The following NSD1 variants were observed in gnomAD, a reference collection of about 807,000 sequenced individuals.
The protein encoded by NSD1 is nuclear receptor binding SET domain protein 1.
A neutral mutation model predicts 242.7 loss-of-function variants in NSD1; 26 were observed. The observed-to-expected ratio is 0.11, with a 90% CI of 0.08 to 0.15. The LOEUF (loss-of-function observed/expected upper bound fraction) is 0.15, where lower values mean the gene tolerates loss of function less well. NSD1 is among the 10% of genes least tolerant of loss of function. The probability of loss-of-function intolerance (pLI) is 1.00; values close to 1 mark genes in which losing one functional copy is unlikely to be tolerated. For missense variants in NSD1, 2,495 were observed against 3,272.8 expected, an observed-to-expected ratio of 0.76 and a Z score of 5.80; for synonymous variants, 1,106 against 1,178.1, an observed-to-expected ratio of 0.94 and a Z score of 1.25.
At chr5:177,136,129 A>G in intron 2 of NSD1, 99 bp downstream of exon 2, 1 of 1,033,266 alleles carries the variant, frequency 9.7e-7, no homozygotes, top group Non-Finnish European at 1.5e-6. Context: ...GTTGCTTATC[A>G]GTTCACAGCT....
At position 177,210,837 on chromosome 5, in the gene NSD1, A is replaced by C; in HGVS notation, c.2438A>C (p.Lys813Thr). The C allele has an allele frequency of 1.2e-6, 2 of 1,614,220 alleles. No individual in the cohort carries two copies. The highest frequency in any genetic ancestry group is 1.7e-6 in the Non-Finnish European group (2 of 1,180,036). The change falls in exon 5 of 23, where the codon AAA (lysine) becomes ACA (threonine). Residue 813 changes from lysine (K) to threonine (T), a missense_variant. Physicochemically the swap from Lys to Thr is moderately conservative, Grantham distance 78. Coordinates refer to ENST00000439151, the MANE Select transcript of NSD1 (RefSeq NM_022455.5). The stretch of plus-strand genomic sequence containing the variant: ...GTTATAAATGAGGAGTGCAGTTTGA[A>C]ATGCTGCTCTTCTGATACCAAAGGC... The part of the protein sequence containing the change: ...PPVINEECSL[K>T]CCSSDTKGSP...
intron 2 of NSD1, among the ~76,000 whole-genome samples, chr5:177,141,430 A>G (rs997018847): frequency 2.1e-5 from 3 of 140,480 alleles, no homozygotes; most frequent in Non-Finnish European, 4.5e-5. Context: ...TCCTGGGTTC[A>G]AGAGATTCTT....
intron 4 of NSD1, among the ~76,000 whole-genome samples, chr5:177,207,915 T>TGTGTGTGC (rs1763023610): frequency 6.6e-6 from 1 of 151,068 alleles, no homozygotes; most frequent in African/African-American, 2.4e-5. Context: ...AGTGTGTGTG[T>TGTGTGTGC]GTGTGTGCGT....
intron 11 of NSD1, among the ~76,000 whole-genome samples, chr5:177,249,327 C>CT (rs1554197963): frequency 1.3e-5 from 2 of 151,728 alleles, no homozygotes; most frequent in African/African-American, 4.8e-5. Flanking sequence ...AAAAATTTGT[C>CT]TTTTTTTTAA....
At chr5:177,161,680 C>CTTTTTTTTTTT (rs57657595) in intron 2 of NSD1, among the ~76,000 whole-genome samples, 1 of 135,244 alleles carries the variant, frequency 7.4e-6, no homozygotes, top group Non-Finnish European at 1.6e-5. Flanking sequence ...TTCTTTCTTT[C>CTTTTTTTTTTT]TTTTTTTTTT....
intron 3 of NSD1, 67 bp from the exon 4 acceptor site, chr5:177,204,053 C>A: frequency 7.0e-7 from 1 of 1,430,504 alleles, no homozygotes; most frequent in Non-Finnish European, 9.9e-7. Flanking sequence ...AATGATGTGG[C>A]TGTTCTCTTA....
At chr5:177,214,985 G>A (rs1581338294) in intron 5 of NSD1, among the ~76,000 whole-genome samples, 2 of 152,068 alleles carry the variant, frequency 1.3e-5, no homozygotes. Flanking sequence ...AAAAGCATGA[G>A]CCACCACGCC....
chr5:177,244,773 G>A (rs1024691674), intron 9 of NSD1, among the ~76,000 whole-genome samples: 4 of 152,162 alleles, frequency 2.6e-5, no homozygotes, highest in East Asian at 1.9e-4. Context: ...GAGTATCATG[G>A]GAAGATTATA....
At chr5:177,170,149 T>C (rs1562148437) in intron 2 of NSD1, among the ~76,000 whole-genome samples, 1 of 149,686 alleles carries the variant, frequency 6.7e-6, no homozygotes, top group Non-Finnish European at 1.5e-5. Flanking sequence ...TTTTTTTGTA[T>C]TTTTAGTAGA....
intron 14 of NSD1, among the ~76,000 whole-genome samples, chr5:177,263,682 A>G (rs1441666657): frequency 2.6e-5 from 4 of 152,208 alleles, no homozygotes; most frequent in Non-Finnish European, 5.9e-5. Flanking sequence ...CACTCATGCA[A>G]CTGAGTTTCA....
chr5:177,176,229 T>C (rs114660647), intron 2 of NSD1, among the ~76,000 whole-genome samples: 2,883 of 152,210 alleles, frequency 0.019, 90 homozygotes, highest in African/African-American at 0.063. Context: ...AATTGAGGGA[T>C]TAAAATCTAA....
rs192262255 is a variant in NSD1, at chr5:177,272,134, G to A, written c.5510-1538G>A. Among the ~76,000 whole-genome samples the A allele has an allele frequency of 9.6e-3, 338 of 35,222 alleles. 2 individuals are homozygous for A. The highest frequency in any genetic ancestry group is 0.032 in the African/African-American group (309 of 9,654). The allele number at this position is 35,222 out of a possible 152,430, so 23.1% of individuals were successfully genotyped here. On this transcript the variant is annotated intron_variant, in intron 16 of 22. Transcript: ENST00000439151. The stretch of plus-strand genomic sequence containing the variant: ...TGTGTCCACCCACCCCTCCCCGCCC[G>A]CCCCACCACCATCACCACCAAAAAA...
At chr5:177,212,653 C>G (rs549670377) in intron 5 of NSD1, among the ~76,000 whole-genome samples, 1 of 152,036 alleles carries the variant, frequency 6.6e-6, no homozygotes, top group South Asian at 2.1e-4. Flanking sequence ...TTTTAAAATC[C>G]CCAAGCTTTT....
intron 2 of NSD1, among the ~76,000 whole-genome samples, chr5:177,177,605 ATGCCAC>A (rs765200481): frequency 5.3e-5 from 8 of 152,036 alleles, no homozygotes; most frequent in African/African-American, 9.7e-5. Context: ...AGCGATGACC[ATGCCAC>A]TGCACTCCAG....
intron 3 of NSD1, among the ~76,000 whole-genome samples, chr5:177,199,266 T>TA (rs1364990954): frequency 2.0e-5 from 3 of 151,162 alleles, no homozygotes; most frequent in African/African-American, 7.3e-5. Flanking sequence ...TAATTATTAT[T>TA]TTTTTTTTAG....
chr5:177,155,835 G>A (rs532889553), intron 2 of NSD1, among the ~76,000 whole-genome samples: 78 of 151,266 alleles, frequency 5.2e-4, no homozygotes, highest in African/African-American at 1.8e-3. Flanking sequence ...ACAGGTGTCC[G>A]CTAATTTTTG....
At chr5:177,149,910 A>G (rs1300056728) in intron 2 of NSD1, among the ~76,000 whole-genome samples, 1 of 151,956 alleles carries the variant, frequency 6.6e-6, no homozygotes, top group East Asian at 1.9e-4. Flanking sequence ...ACATTCTTTT[A>G]AATGCCTATA....
At chr5:177,186,692 G>C (rs965126359) in intron 2 of NSD1, among the ~76,000 whole-genome samples, 1 of 152,148 alleles carries the variant, frequency 6.6e-6, no homozygotes, top group African/African-American at 2.4e-5. Context: ...CACTGTCAGT[G>C]AAATAAGGAA....
rs1313143454 is a variant in NSD1 at position 177,298,368 on chromosome 5, A to G, written c.*2909A>G. ...TTCCAGGGACAAGGCAAAAGTTGAA[A>G]TTCTCCATGGGTAGCTAGAAAGCCA... On this transcript the variant is annotated 3_prime_UTR_variant, in exon 23 of 23. Transcript: ENST00000439151. The G allele has an allele frequency of 8.6e-6, 2 of 233,076 alleles. No homozygotes were observed. The highest frequency in any genetic ancestry group is 1.7e-5 in the Non-Finnish European group (2 of 118,024). 14.4% of individuals were successfully genotyped at this position (233,076 alleles called of 1,614,324 possible).
Sources: allele counts gnomAD v4.1 joint callset (sites outside exome capture counted in the v4.1 genomes callset), GRCh38; gene constraint gnomAD v4.1.1; transcripts MANE v1.5; gene names NCBI Gene and HGNC (gene_info 2026-07-23, HGNC 2026-07-21).